Variants in AP4S1 observed in about 807,000 individuals in gnomAD.
AP4S1 encodes the protein adaptor related protein complex 4 subunit sigma 1.
Under a neutral mutation model 19.8 loss-of-function variants are expected in AP4S1, and 23 were observed. The ratio of observed to expected loss-of-function variants is 1.16; its 90% CI spans 0.84 to 1.65. The LOEUF (loss-of-function observed/expected upper bound fraction) is 1.65, where lower values mean the gene tolerates loss of function less well. Among genes scored for constraint, AP4S1 ranks in the 40% most tolerant of loss-of-function variants. The pLI is 0.00. For missense variants in AP4S1, 166 were observed against 172.8 expected (o/e 0.96, Z 0.22); for synonymous variants, 46 against 54.1 (o/e 0.85, Z 0.66).
At chr14:31,085,000 G>GT (rs1163227746) in intron 5 of AP4S1, 1 of 1,536,028 alleles carries the variant, frequency 6.5e-7, no homozygotes, top group South Asian at 1.2e-5. Flanking sequence ...GGCCTTTTCA[G>GT]TATTTGGTGC....
At chr14:31,084,372 C>G (rs945476448) in intron 5 of AP4S1, among the ~76,000 whole-genome samples, 1 of 152,174 alleles carries the variant, frequency 6.6e-6, no homozygotes, top group African/African-American at 2.4e-5. Context: ...TACAGTACAC[C>G]GTTTACATTT....
rs111838727 is a variant in AP4S1, at chr14:31,045,091, G to A, written c.-72+19304G>A. ...TAATTTTTGTATTTTTAGTAGAGAC[G>A]GGGTTTCACTATGTTGGCCAGGTTG... On this transcript the variant is annotated intron_variant, in intron 1 of 5. Transcript: ENST00000542754. 1.9e-4 allele frequency among the ~76,000 whole-genome samples: 29 copies of A among 151,934 alleles called. 1 individual carries two copies. Among genetic ancestry groups the A allele is most frequent in the African/African-American group, 5.1e-4 (21 of 41,458 alleles).
intron 3 of AP4S1, 27 bp from the exon 4 acceptor site, chr14:31,072,878 G>T: frequency 6.3e-7 from 1 of 1,587,140 alleles, no homozygotes; most frequent in South Asian, 1.1e-5. Flanking sequence ...CACTAAAATT[G>T]ATTGTACCTT....
chr14:31,071,062 G>A (rs886781853), intron 3 of AP4S1, among the ~76,000 whole-genome samples: 1 of 151,550 alleles, frequency 6.6e-6, no homozygotes, highest in South Asian at 2.1e-4. Context: ...AAAAAAAAAA[G>A]GGCTGATATA....
chr14:31,028,782 C>T (rs1452745960), intron 1 of AP4S1, among the ~76,000 whole-genome samples: 3 of 152,036 alleles, frequency 2.0e-5, no homozygotes, highest in Non-Finnish European at 2.9e-5. Context: ...GGCGTGGTGG[C>T]GCTTGCCTGT....
At chr14:31,026,427 G>A (rs1404380574) in intron 1 of AP4S1, 2 of 409,610 alleles carry the variant, frequency 4.9e-6, no homozygotes, top group South Asian at 5.2e-5. Context: ...CTCGGCGGGA[G>A]GGGTGGGGGG....
At chr14:31,080,391 A>T (rs1292820797) in intron 4 of AP4S1, among the ~76,000 whole-genome samples, 182 bp from the exon 5 acceptor site, 2 of 152,152 alleles carry the variant, frequency 1.3e-5, no homozygotes, top group African/African-American at 2.4e-5. Flanking sequence ...GCCTATATTT[A>T]AAAAAATTAT....
At chr14:31,087,665 A>G (rs1387401886) in intron 5 of AP4S1, among the ~76,000 whole-genome samples, 2 of 152,246 alleles carry the variant, frequency 1.3e-5, no homozygotes, top group Non-Finnish European at 2.9e-5. Flanking sequence ...TAAATTTGAC[A>G]TATTTTTTAA....
At chr14:31,067,946 A>G (rs1032882597) in intron 2 of AP4S1, among the ~76,000 whole-genome samples, 6 of 147,640 alleles carry the variant, frequency 4.1e-5, no homozygotes, top group Non-Finnish European at 6.0e-5. Context: ...TTGGCTTACC[A>G]CAACATCCAC....
At chr14:31,050,185 G>T (rs1369674804) in intron 1 of AP4S1, among the ~76,000 whole-genome samples, 2 of 152,034 alleles carry the variant, frequency 1.3e-5, no homozygotes, top group Non-Finnish European at 2.9e-5. Flanking sequence ...GCCTCCCAAA[G>T]TGCTGGGATT....
chr14:31,070,685 C>T (rs1260285398), intron 3 of AP4S1, among the ~76,000 whole-genome samples: 2 of 152,160 alleles, frequency 1.3e-5, no homozygotes, highest in African/African-American at 4.8e-5. Flanking sequence ...TAAGCAATAC[C>T]AGTGCCCTGC....
intron 1 of AP4S1, among the ~76,000 whole-genome samples, chr14:31,046,628 AGG>A (rs772560942): frequency 2.0e-5 from 3 of 152,104 alleles, no homozygotes; most frequent in Non-Finnish European, 4.4e-5. Flanking sequence ...GGCGGATCAC[AGG>A]GTCAGGAGAT....
At chr14:31,045,193 C>A (rs1020487994) in intron 1 of AP4S1, among the ~76,000 whole-genome samples, 1 of 152,148 alleles carries the variant, frequency 6.6e-6, no homozygotes, top group Non-Finnish European at 1.5e-5. Context: ...TGAGCCACCA[C>A]GCCCAGCCTG....
At chr14:31,075,885 A>G (rs1191172177) in intron 4 of AP4S1, among the ~76,000 whole-genome samples, 1 of 151,948 alleles carries the variant, frequency 6.6e-6, no homozygotes, top group Admixed American at 6.6e-5. Context: ...GATTACAGGC[A>G]TGCACCACCA....
At chr14:31,054,579 G>T (rs899115184) in intron 1 of AP4S1, among the ~76,000 whole-genome samples, 1 of 152,140 alleles carries the variant, frequency 6.6e-6, no homozygotes, top group African/African-American at 2.4e-5. Context: ...CTACTTGGGA[G>T]GCTGAGGCAG....
chr14:31,076,621 A>G (rs1197304040), intron 4 of AP4S1, among the ~76,000 whole-genome samples: 3 of 152,204 alleles, frequency 2.0e-5, no homozygotes, highest in Admixed American at 2.0e-4. Context: ...TAGATGTTCA[A>G]TTGTTCCAAC....
rs557037580 is a variant in AP4S1, at chr14:31,073,303, A to C, written c.294+330A>C. 3.1e-4 allele frequency: 83 copies of C among 268,262 alleles called. 1 individual carries two copies. Among genetic ancestry groups the C allele is most frequent in the South Asian group, 2.6e-3 (66 of 25,048 alleles). The allele number at this position is 268,262 out of a possible 1,614,324, so 16.6% of individuals were successfully genotyped here. ...CAGGAGATGGAGACCATCCTGGCTA[A>C]TACGGTGAAACCCCGTCTCTACTAA... is the stretch of plus-strand genomic sequence containing the variant. On this transcript the variant is annotated intron_variant, in intron 4 of 5. Coordinates refer to ENST00000542754, the MANE Select transcript of AP4S1 (RefSeq NM_001128126.3).
chr14:31,029,649 C>G (rs989102973), intron 1 of AP4S1, among the ~76,000 whole-genome samples: 1 of 152,092 alleles, frequency 6.6e-6, no homozygotes, highest in African/African-American at 2.4e-5. Context: ...AAAACCCTGT[C>G]CCTACCAAAA....
intron 1 of AP4S1, among the ~76,000 whole-genome samples, chr14:31,032,180 G>A (rs553335326): frequency 6.6e-6 from 1 of 152,118 alleles, no homozygotes; most frequent in Admixed American, 6.5e-5. Context: ...TCAGGAGTTC[G>A]AGACCAGCCT....
Sources: gnomAD v4.1 joint callset for allele counts (sites outside exome capture counted in the v4.1 genomes callset) on GRCh38, gnomAD v4.1.1 for gene constraint, MANE v1.5 for transcripts, NCBI Gene and HGNC (gene_info 2026-07-23, HGNC 2026-07-21) for gene names.